Variants in GBE1 observed in about 807,000 individuals in gnomAD.
GBE1 encodes the protein 1,4-alpha-glucan-branching enzyme.
GBE1 carries 70 observed loss-of-function variants against 88.8 expected under a neutral mutation model. That is an observed-to-expected ratio of 0.79 (90% CI 0.65 to 0.96). GBE1 has a LOEUF of 0.96. Among genes scored for constraint, GBE1 ranks in the 40% least tolerant of loss-of-function variants. The pLI, the probability that GBE1 is intolerant of heterozygous loss-of-function variation, is 0.00. For synonymous variants in GBE1, 284 were observed against 300.1 expected, an observed-to-expected ratio of 0.95 and a Z score of 0.56; for missense variants, 872 against 871.0, an observed-to-expected ratio of 1.00 and a Z score of -0.01.
rs577850268 is a variant in GBE1 at position 81,503,484 on chromosome 3, T to C, written c.1935-4257A>G. On this transcript the variant is annotated intron_variant, in intron 14 of 15. Coordinates refer to ENST00000429644, the MANE Select transcript of GBE1 (RefSeq NM_000158.4). ...AGTATAAAACAGACGGCGGAAAGACTAAGTCGGGAAAAGCAGTCAGGAGTC... is the reference window on the plus strand; with the variant it reads ...AGTATAAAACAGACGGCGGAAAGACCAAGTCGGGAAAAGCAGTCAGGAGTC... Among the ~76,000 whole-genome samples, 13 of 152,178 alleles carry C rather than the reference T, an allele frequency of 8.5e-5. No homozygotes were observed. In the South Asian group the frequency reaches 2.7e-3, roughly 32 times the overall value.
intron 1 of GBE1, among the ~76,000 whole-genome samples, chr3:81,758,119 C>T (rs973704952): frequency 1.2e-4 from 18 of 152,188 alleles, no homozygotes; most frequent in Admixed American, 1.0e-3. Context: ...AAAGATTAAT[C>T]ACAGTTGCAG....
chr3:81,536,638 T>C (rs1473406473), intron 13 of GBE1, among the ~76,000 whole-genome samples: 1 of 152,056 alleles, frequency 6.6e-6, no homozygotes, highest in Non-Finnish European at 1.5e-5. Flanking sequence ...AGAGCTTTTA[T>C]TGTTTATTTT....
chr3:81,518,091 TC>T (rs903745961), intron 14 of GBE1, among the ~76,000 whole-genome samples: 27 of 151,094 alleles, frequency 1.8e-4, no homozygotes, highest in East Asian at 9.8e-4. Flanking sequence ...CAAATGTTCC[TC>T]CCCCCCAAAC....
At chr3:81,740,182 G>T (rs1706325816) in intron 1 of GBE1, among the ~76,000 whole-genome samples, 1 of 152,114 alleles carries the variant, frequency 6.6e-6, no homozygotes, top group Non-Finnish European at 1.5e-5. Flanking sequence ...CTATGATCTT[G>T]CCACTGCACT....
At chr3:81,613,277 C>A (rs183715494) in intron 7 of GBE1, among the ~76,000 whole-genome samples, 6 of 151,802 alleles carry the variant, frequency 4.0e-5, no homozygotes, top group African/African-American at 9.7e-5. Context: ...AGTCTCTACC[C>A]CTTTCTGTTC....
intron 2 of GBE1, among the ~76,000 whole-genome samples, chr3:81,703,802 A>C (rs905475780): frequency 1.1e-4 from 16 of 152,014 alleles, no homozygotes; most frequent in African/African-American, 3.6e-4. Flanking sequence ...TCTGGTCATT[A>C]TTCCATAAAC....
At chr3:81,573,183 C>T (rs1460167079) in intron 12 of GBE1, among the ~76,000 whole-genome samples, 1 of 152,028 alleles carries the variant, frequency 6.6e-6, no homozygotes, top group African/African-American at 2.4e-5. Context: ...GTGATTGAAA[C>T]TCATCTTTTC....
At chr3:81,602,216 C>A (rs1191108654) in intron 7 of GBE1, among the ~76,000 whole-genome samples, 1 of 152,032 alleles carries the variant, frequency 6.6e-6, no homozygotes, top group Non-Finnish European at 1.5e-5. Flanking sequence ...TCCGAAAAGC[C>A]CTCAATCCAC....
intron 7 of GBE1, among the ~76,000 whole-genome samples, chr3:81,602,930 C>G (rs1308176001): frequency 1.3e-5 from 2 of 152,136 alleles, no homozygotes; most frequent in African/African-American, 4.8e-5. Context: ...CACCAAATCT[C>G]ATCTTTTCTT....
At chr3:81,674,467 C>T (rs1705227589) in intron 2 of GBE1, among the ~76,000 whole-genome samples, 1 of 151,714 alleles carries the variant, frequency 6.6e-6, no homozygotes, top group Non-Finnish European at 1.5e-5. Flanking sequence ...ATTGCAGGAA[C>T]CAATCATGGA....
At chr3:81,659,678 T>C (rs1038496742) in intron 3 of GBE1, among the ~76,000 whole-genome samples, 4 of 150,874 alleles carry the variant, frequency 2.7e-5, no homozygotes, top group Admixed American at 1.3e-4. Flanking sequence ...GCCATTGCAA[T>C]GAAGTAAAAT....
chr3:81,742,946 C>T (rs1706370442), intron 1 of GBE1, among the ~76,000 whole-genome samples: 1 of 152,070 alleles, frequency 6.6e-6, no homozygotes, highest in Non-Finnish European at 1.5e-5. Flanking sequence ...CCAACAACGA[C>T]AGTAATAAAT....
intron 15 of GBE1, among the ~76,000 whole-genome samples, chr3:81,494,826 T>A (rs1420339377): frequency 1.3e-5 from 2 of 152,194 alleles, no homozygotes; most frequent in African/African-American, 4.8e-5. Flanking sequence ...TGAGTGTGGC[T>A]AAGACAATAA....
intron 12 of GBE1, among the ~76,000 whole-genome samples, chr3:81,563,662 G>A (rs1703451056): frequency 6.6e-6 from 1 of 152,014 alleles, no homozygotes; most frequent in Admixed American, 6.6e-5. Context: ...GAGTCACTGG[G>A]GCTCACGGTT....
At chr3:81,590,816 C>T (rs1300344505) in intron 9 of GBE1, among the ~76,000 whole-genome samples, 1 of 152,012 alleles carries the variant, frequency 6.6e-6, no homozygotes, top group Non-Finnish European at 1.5e-5. Context: ...TCTTTTTTAA[C>T]AACAGAATGG....
At chr3:81,574,479 A>G (rs1169531378) in intron 12 of GBE1, among the ~76,000 whole-genome samples, 1 of 152,220 alleles carries the variant, frequency 6.6e-6, no homozygotes, top group Non-Finnish European at 1.5e-5. Context: ...TCACACAGCC[A>G]AAAAGGGAAA....
chr3:81,704,841 C>G (rs1705750062), intron 2 of GBE1, among the ~76,000 whole-genome samples: 2 of 152,090 alleles, frequency 1.3e-5, no homozygotes. Context: ...CCACCAGACT[C>G]TAAGCTAGAA....
intron 14 of GBE1, among the ~76,000 whole-genome samples, chr3:81,503,138 T>C (rs1259299958): frequency 1.3e-5 from 2 of 152,184 alleles, no homozygotes; most frequent in East Asian, 1.9e-4. Context: ...TACTCCCCCA[T>C]TCATTTACTA....
intron 7 of GBE1, among the ~76,000 whole-genome samples, chr3:81,610,935 CCTT>C: frequency 6.6e-6 from 1 of 151,930 alleles, no homozygotes; most frequent in Non-Finnish European, 1.5e-5. Context: ...CATCTAGCGA[CCTT>C]CTTTTGAAAT....
Sources: gnomAD v4.1 joint callset for allele counts (sites outside exome capture counted in the v4.1 genomes callset) on GRCh38, gnomAD v4.1.1 for gene constraint, MANE v1.5 for transcripts, NCBI Gene and HGNC (gene_info 2026-07-23, HGNC 2026-07-21) for gene names.